TMX2: variants seen among roughly 807,000 people sequenced by gnomAD.
The protein encoded by TMX2 is thioredoxin-related transmembrane protein 2.
TMX2 carries 20 observed loss-of-function variants against 33.4 expected under a neutral mutation model. The observed-to-expected ratio is 0.60, with a 90% confidence interval of 0.42 to 0.87. TMX2 has a LOEUF of 0.87. Among genes scored for constraint, TMX2 ranks in the 40% least tolerant of loss-of-function variants. TMX2 has a pLI of 0.00. For synonymous variants in TMX2, 166 were observed against 140.7 expected, an observed-to-expected ratio of 1.18 and a Z score of -1.27; for missense variants, 340 against 370.7, an observed-to-expected ratio of 0.92 and a Z score of 0.68.
At chr11:57,713,970 G>T (rs1214407738) in intron 1 of TMX2, among the ~76,000 whole-genome samples, 1 of 152,232 alleles carries the variant, frequency 6.6e-6, no homozygotes, top group Non-Finnish European at 1.5e-5. Context: ...AGAAGTAATT[G>T]TTGTCTTCTT....
At chr11:57,735,363 C>T (rs192121342) in intron 1 of TMX2, among the ~76,000 whole-genome samples, 32 of 151,990 alleles carry the variant, frequency 2.1e-4, no homozygotes, top group Non-Finnish European at 2.9e-4. Context: ...CGTATGCCAC[C>T]GTGCCTGGCT....
At chr11:57,735,868 C>T (rs1948724146) in intron 1 of TMX2, among the ~76,000 whole-genome samples, 1 of 152,186 alleles carries the variant, frequency 6.6e-6, no homozygotes, top group African/African-American at 2.4e-5. Flanking sequence ...CTGGCCAGAT[C>T]CACTGCATGG....
chr11:57,718,502 G>T (rs1947327980), intron 1 of TMX2: 1 of 820,946 alleles, frequency 1.2e-6, no homozygotes, highest in Non-Finnish European at 2.1e-6. Flanking sequence ...ACCATCCACG[G>T]TGATGTCAAA....
rs1948830397 is a variant in TMX2 at position 57,737,636 on chromosome 11, G to A, written c.218G>A (p.Ser73Asn). ...WREVEILMFL[S>N]AIVMMKNRRS... The stretch of plus-strand genomic sequence containing the variant: ...GAAGTGGAGATCCTGATGTTTCTCA[G>A]TGCCATTGTGATGATGAAGAACCGC... The change falls in exon 2 of 8, where the codon AGT (serine) becomes AAT (asparagine). Residue 73 changes from serine (S) to asparagine (N), a missense_variant. Around this residue, in one of 3 missense-constraint regions of TMX2, gnomAD observed 25 missense variants for 46.5 expected, o/e 0.54. Transcript: ENST00000278422. 5.0e-6 allele frequency: 8 copies of A among 1,614,030 alleles called. No individual in the cohort carries two copies. Among genetic ancestry groups the A allele is most frequent in the Non-Finnish European group, 6.8e-6 (8 of 1,180,026 alleles).
rs962811979 is a variant in TMX2 at position 57,740,308 on chromosome 11, C to T, written c.*63C>T. ...CCAGGCTCTTTCCATAACCACAAGCCTGAGGCTGCAGCCTTTTATTTATGT... is the reference window on the plus strand; with the variant it reads ...CCAGGCTCTTTCCATAACCACAAGCTTGAGGCTGCAGCCTTTTATTTATGT... On this transcript the variant is annotated 3_prime_UTR_variant, in exon 8 of 8. Transcript: ENST00000278422. The T allele has an allele frequency of 2.0e-6, 3 of 1,501,070 alleles. No individual in the cohort carries two copies. Among genetic ancestry groups the T allele is most frequent in the African/African-American group, 1.4e-5 (1 of 70,264 alleles). The allele number at this position is 1,501,070 out of a possible 1,614,324, so 93.0% of individuals were successfully genotyped here.
intron 1 of TMX2, among the ~76,000 whole-genome samples, chr11:57,716,089 GCT>G (rs1299559319): frequency 2.0e-5 from 3 of 152,068 alleles, no homozygotes; most frequent in Non-Finnish European, 4.4e-5. Flanking sequence ...TTCTCAATGA[GCT>G]GTTGGGTACA....
intron 1 of TMX2, among the ~76,000 whole-genome samples, chr11:57,728,423 C>G (rs144543563): frequency 4.4e-4 from 67 of 152,250 alleles, no homozygotes; most frequent in Middle Eastern, 3.4e-3. Context: ...TCAGAGAAGA[C>G]TCAGAACCCC....
chr11:57,735,240 A>ATAGG (rs1565231450), intron 1 of TMX2, among the ~76,000 whole-genome samples: 1 of 147,532 alleles, frequency 6.8e-6, no homozygotes. Context: ...ACGTTGTTTC[A>ATAGG]CTCTGTTGCC....
intron 3 of TMX2, 90 bp downstream of exon 3, chr11:57,738,116 T>A (rs544066309): frequency 1.1e-4 from 112 of 1,051,044 alleles, no homozygotes; most frequent in Non-Finnish European, 1.4e-4. Flanking sequence ...ACAGTTGCAA[T>A]CCCAAACATG....
chr11:57,715,834 A>G (rs1946956516), intron 1 of TMX2, among the ~76,000 whole-genome samples: 1 of 151,248 alleles, frequency 6.6e-6, no homozygotes, highest in Admixed American at 6.6e-5. Flanking sequence ...CACATCTTGC[A>G]CCGCCCTTAA....
At chr11:57,738,617 A>AG in intron 4 of TMX2, 47 bp from the exon 5 acceptor site, 2 of 1,527,168 alleles carry the variant, frequency 1.3e-6, no homozygotes, top group Non-Finnish European at 1.8e-6. Context: ...GAACCTTCCC[A>AG]GGAGGCTATG....
rs373672489 is a variant in TMX2, at chr11:57,737,900, C to G, written c.251-13C>G. On this transcript the variant is annotated splice_polypyrimidine_tract_variant and intron_variant, in intron 2 of 7. Transcript: ENST00000278422. ...CACAGCCCAGCCTGACCTGTGACAT[C>G]TCTGTGTTTCAGTCACTGTGGAGCA... 2 of 1,614,082 alleles carry G rather than the reference C, an allele frequency of 1.2e-6. No individual in the cohort carries two copies. Among genetic ancestry groups the G allele is most frequent in the East Asian group, 4.5e-5 (2 of 44,904 alleles).
At chr11:57,729,724 A>G (rs1948234326) in intron 1 of TMX2, among the ~76,000 whole-genome samples, 1 of 151,094 alleles carries the variant, frequency 6.6e-6, no homozygotes, top group South Asian at 2.1e-4. Context: ...TTCTATCGGC[A>G]TACCTAATAA....
rs1334704761 is a variant in TMX2 at position 57,740,110 on chromosome 11, C to A, written c.756C>A (p.Ile252=). 2 of 1,613,890 alleles carry A rather than the reference C, an allele frequency of 1.2e-6. No homozygotes were observed. Among genetic ancestry groups the A allele is most frequent in the Non-Finnish European group, 1.7e-6 (2 of 1,179,860 alleles). The part of the protein sequence containing the change: ...VSWTFSEENV[I]REFNLNELYQ... ...TCTCTTTTGTGCAGGAGAATGTGAT[C>A]CGAGAATTTAACTTAAATGAGCTAT... Residue 252 remains isoleucine, a synonymous_variant, in exon 8 of 8, where the codon ATC becomes ATA. Transcript: ENST00000278422.
At chr11:57,714,441 G>A (rs1308386350) in intron 1 of TMX2, among the ~76,000 whole-genome samples, 1 of 152,176 alleles carries the variant, frequency 6.6e-6, no homozygotes, top group Non-Finnish European at 1.5e-5. Context: ...CTGGAGGGCA[G>A]TCAATTGGGA....
At chr11:57,727,091 G>A (rs528186176) in intron 1 of TMX2, among the ~76,000 whole-genome samples, 1 of 152,248 alleles carries the variant, frequency 6.6e-6, no homozygotes, top group South Asian at 2.1e-4. Context: ...TATTATGCCA[G>A]ATACAGCAAA....
Position 57,740,296 on chromosome 11 carries a change from A to G in TMX2, c.*51A>G, listed in dbSNP as rs772831718. The G allele has an allele frequency of 2.0e-5, 30 of 1,530,276 alleles. No homozygotes were observed. The South Asian group carries it at 3.7e-4, about 19-fold the overall frequency. The allele number at this position is 1,530,276 out of a possible 1,614,324, so 94.8% of individuals were successfully genotyped here. ...CTCCTGTCAATTCCAGGCTCTTTCC[A>G]TAACCACAAGCCTGAGGCTGCAGCC... On this transcript the variant is annotated 3_prime_UTR_variant, in exon 8 of 8. Transcript: ENST00000278422.
intron 1 of TMX2, among the ~76,000 whole-genome samples, chr11:57,715,581 G>GTTTTTTTTTTTTTTTTT (rs1355236642): frequency 1.2e-5 from 1 of 82,972 alleles, no homozygotes; most frequent in African/African-American, 5.4e-5. Context: ...CTTAGAATTT[G>GTTTTTTTTTTTTTTTTT]TTTTCTTTTT....
At chr11:57,735,745 A>G (rs182468309) in intron 1 of TMX2, among the ~76,000 whole-genome samples, 80 of 152,332 alleles carry the variant, frequency 5.3e-4, no homozygotes, top group African/African-American at 1.8e-3. Context: ...ATATCTGTCC[A>G]TAAGACCCAT....
Sources: allele counts gnomAD v4.1 joint callset (sites outside exome capture counted in the v4.1 genomes callset), GRCh38; gene constraint gnomAD v4.1.1; regional missense constraint gnomAD v4.1.1; transcripts MANE v1.5; gene names NCBI Gene and HGNC (gene_info 2026-07-23, HGNC 2026-07-21).